The following KIF1B variants were observed in gnomAD, a reference collection of about 807,000 sequenced individuals.
KIF1B encodes kinesin-like protein KIF1B.
A neutral mutation model predicts 241.9 loss-of-function variants in KIF1B; 76 were observed. The ratio of observed to expected loss-of-function variants is 0.31; its 90% CI spans 0.26 to 0.38. The LOEUF (loss-of-function observed/expected upper bound fraction) is 0.38. KIF1B is among the 10% of genes least tolerant of loss of function. The pLI, the probability that KIF1B is intolerant of heterozygous loss-of-function variation, is 1.00. For synonymous variants in KIF1B, 750 were observed against 796.7 expected, an observed-to-expected ratio of 0.94 and a Z score of 0.99; for missense variants, 1,622 against 2,271.4, an observed-to-expected ratio of 0.71 and a Z score of 5.81.
At chr1:10,215,598 T>G (rs185165305) in intron 1 of KIF1B, among the ~76,000 whole-genome samples, 3 of 152,190 alleles carry the variant, frequency 2.0e-5, no homozygotes, top group Admixed American at 2.0e-4. Context: ...CAGGCTGGAG[T>G]GCAGTGGCGC....
intron 1 of KIF1B, among the ~76,000 whole-genome samples, chr1:10,222,061 G>A (rs143380292): frequency 6.6e-6 from 1 of 152,298 alleles, no homozygotes; most frequent in African/African-American, 2.4e-5. Context: ...TATATGAGAG[G>A]TAAGGGAACT....
intron 6 of KIF1B, 62 bp from the exon 7 acceptor site, chr1:10,268,090 T>C (rs979458729): frequency 6.0e-6 from 6 of 1,003,890 alleles, no homozygotes; most frequent in Admixed American, 1.9e-5. Context: ...TGGAGCCTGC[T>C]GTCCATTTCA....
chr1:10,296,556 C>T (rs1650270445), intron 19 of KIF1B, 26 bp from the exon 20 acceptor site: 2 of 1,568,290 alleles, frequency 1.3e-6, no homozygotes, highest in Non-Finnish European at 1.8e-6. Context: ...GTAATGATAA[C>T]ATTAGTTTGT....
At position 10,295,663 on chromosome 1, in the gene KIF1B, T is replaced by A; in HGVS notation, c.1674T>A (p.Val558=). ...LYYIKDGITR[V]GQADAERRQD... ...AAACACTTTCTCTTGTGTTCAGGGTTGGCCAAGCAGATGCTGAGCGGCGCC... is the reference window on the plus strand; with the variant it reads ...AAACACTTTCTCTTGTGTTCAGGGTAGGCCAAGCAGATGCTGAGCGGCGCC... The change falls in exon 19 of 49, where the codon GTT becomes GTA. Residue 558 remains valine (V), a synonymous_variant. Coordinates refer to ENST00000676179, the MANE Select transcript of KIF1B (RefSeq NM_001365951.3). 1 of 1,613,592 alleles carries A rather than the reference T, an allele frequency of 6.2e-7. No individual in the cohort carries two copies. Among genetic ancestry groups the A allele is most frequent in the Admixed American group, 1.7e-5 (1 of 60,024 alleles).
At chr1:10,328,757 C>G (rs1651813845) in intron 27 of KIF1B, among the ~76,000 whole-genome samples, 1 of 152,174 alleles carries the variant, frequency 6.6e-6, no homozygotes. Flanking sequence ...GAAGCCTGAC[C>G]TAATTGTCAG....
intron 4 of KIF1B, among the ~76,000 whole-genome samples, chr1:10,261,012 G>T (rs1428757666): frequency 6.6e-6 from 1 of 151,372 alleles, no homozygotes; most frequent in Non-Finnish European, 1.5e-5. Flanking sequence ...TGTCACCCAG[G>T]CTGGAGTACA....
Position 10,374,993 on chromosome 1 carries a change from A to C in KIF1B, c.5236A>C (p.Asn1746His), listed in dbSNP as rs556099463. ...DKDPVERGIINLSTAQVEYSE... is the reference protein window; with the variant it reads ...DKDPVERGIIHLSTAQVEYSE... ...AGACCCTGTGGAGCGTGGAATCATT[A>C]ACCTGTCCACAGCACAGGTGGAGTA... Residue 1746 changes from asparagine to histidine, a missense_variant, in exon 47 of 49, where the codon AAC becomes CAC. Physicochemically the swap from Asn to His is moderately conservative, Grantham distance 68. Transcript: ENST00000676179. This position sits in a 1 kb window ranked among gnomAD's most constrained non-coding sequence, Gnocchi z 4.3. 25 of 1,614,152 alleles carry C rather than the reference A, an allele frequency of 1.5e-5. 1 individual carries two copies. In the South Asian group the frequency reaches 2.5e-4, roughly 16 times the overall value.
At chr1:10,336,935 C>T in intron 29 of KIF1B, 139 bp from the exon 30 acceptor site, 2 of 1,212,566 alleles carry the variant, frequency 1.6e-6, no homozygotes, top group Non-Finnish European at 2.4e-6. Flanking sequence ...TTATTCATTG[C>T]CTTTCCTCAG....
At chr1:10,258,406 C>T in intron 3 of KIF1B, 87 bp from the exon 4 acceptor site, 1 of 1,395,938 alleles carries the variant, frequency 7.2e-7, no homozygotes, top group South Asian at 1.2e-5. Context: ...GTTCTGATTC[C>T]AGACACTTTT....
At chr1:10,273,709 CAAAAAAAAAAAAAAAAAA>C (rs56349613) in intron 10 of KIF1B, among the ~76,000 whole-genome samples, 2 of 49,582 alleles carry the variant, frequency 4.0e-5, no homozygotes, top group African/African-American at 7.9e-5. Flanking sequence ...TCCTCCTCCT[CAAAAAAAAAAAAAAAAAA>C]AAAAAAAAAA....
intron 1 of KIF1B, among the ~76,000 whole-genome samples, chr1:10,221,501 C>A (rs1646844829): frequency 6.6e-6 from 1 of 151,910 alleles, no homozygotes; most frequent in African/African-American, 2.4e-5. Flanking sequence ...ACATACAGAC[C>A]CACACACACA....
At chr1:10,366,990 C>T (rs946436719) in intron 43 of KIF1B, among the ~76,000 whole-genome samples, 2 of 152,010 alleles carry the variant, frequency 1.3e-5, no homozygotes, top group African/African-American at 4.8e-5. Context: ...ATATATTTCT[C>T]TGGCAGCAAT....
intron 43 of KIF1B, among the ~76,000 whole-genome samples, chr1:10,366,114 C>T (rs1054376152): frequency 2.6e-5 from 4 of 152,010 alleles, no homozygotes; most frequent in Non-Finnish European, 5.9e-5. Flanking sequence ...GCCTGTAATC[C>T]CAGCTACTCA....
At chr1:10,221,042 G>A (rs756278717) in intron 1 of KIF1B, among the ~76,000 whole-genome samples, 7 of 150,138 alleles carry the variant, frequency 4.7e-5, no homozygotes, top group Non-Finnish European at 7.4e-5. Context: ...TATGTCAGGA[G>A]ACTACTCGTG....
At chr1:10,322,643 A>G (rs919185118) in intron 24 of KIF1B, among the ~76,000 whole-genome samples, 6 of 152,174 alleles carry the variant, frequency 3.9e-5, no homozygotes, top group African/African-American at 1.2e-4. Context: ...GAAATTAATT[A>G]TCTTCTCCTA....
At chr1:10,258,895 T>A (rs114481916) in intron 4 of KIF1B, among the ~76,000 whole-genome samples, 2,847 of 152,350 alleles carry the variant, frequency 0.019, 40 homozygotes, top group Non-Finnish European at 0.028. Context: ...CAGTGTTTTG[T>A]AATGATTTTG....
intron 26 of KIF1B, 128 bp downstream of exon 26, chr1:10,325,023 T>C (rs1333680766): frequency 5.0e-6 from 5 of 1,001,810 alleles, no homozygotes; most frequent in Non-Finnish European, 7.7e-6. Context: ...TCTATAATCT[T>C]ATCCACTCAC....
chr1:10,232,163 GA>G (rs1646991819), intron 1 of KIF1B, 86 bp from the exon 2 acceptor site: 1 of 609,542 alleles, frequency 1.6e-6, no homozygotes, highest in African/African-American at 1.9e-5. Flanking sequence ...AACAGAAATA[GA>G]ACTAAGATAG....
chr1:10,233,464 A>G (rs1232998753), intron 2 of KIF1B, among the ~76,000 whole-genome samples: 1 of 152,140 alleles, frequency 6.6e-6, no homozygotes, highest in Non-Finnish European at 1.5e-5. Context: ...TTGGCAATAG[A>G]GCAAGACCCT....
Sources: gnomAD v4.1 joint callset for allele counts (sites outside exome capture counted in the v4.1 genomes callset) on GRCh38, gnomAD v4.1.1 for gene constraint, Gnocchi (gnomAD v3.1) non-coding constraint, MANE v1.5 for transcripts, NCBI Gene and HGNC (gene_info 2026-07-23, HGNC 2026-07-21) for gene names.